The following ZCCHC17 variants were observed in gnomAD, a reference collection of about 807,000 sequenced individuals.
ZCCHC17 encodes zinc finger CCHC-type containing 17.
A neutral mutation model predicts 30.6 loss-of-function variants in ZCCHC17; 18 were observed. The observed-to-expected ratio is 0.59, with a 90% confidence interval of 0.41 to 0.87. The LOEUF is 0.87. Among genes scored for constraint, ZCCHC17 ranks in the 40% least tolerant of loss-of-function variants. The pLI, the probability that ZCCHC17 is intolerant of heterozygous loss-of-function variation, is 0.00. For synonymous variants in ZCCHC17, 88 were observed against 92.4 expected, an observed-to-expected ratio of 0.95 and a Z score of 0.27; for missense variants, 263 against 284.2, an observed-to-expected ratio of 0.93 and a Z score of 0.54.
At chr1:31,355,220 T>C (rs1375661984) in intron 7 of ZCCHC17, among the ~76,000 whole-genome samples, 1 of 151,834 alleles carries the variant, frequency 6.6e-6, no homozygotes, top group African/African-American at 2.4e-5. Context: ...GTATATGAAC[T>C]TCTAACTCAT....
chr1:31,311,250 G>A (rs1646594004), intron 2 of ZCCHC17, among the ~76,000 whole-genome samples: 1 of 152,042 alleles, frequency 6.6e-6, no homozygotes, highest in Non-Finnish European at 1.5e-5. Context: ...AAAGTAGGTT[G>A]GACATGTTGC....
intron 7 of ZCCHC17, among the ~76,000 whole-genome samples, chr1:31,357,091 T>C (rs1036201866): frequency 1.3e-5 from 2 of 152,234 alleles, no homozygotes; most frequent in Non-Finnish European, 2.9e-5. Context: ...TAGTAAACTT[T>C]AGATATGTTT....
intron 7 of ZCCHC17, among the ~76,000 whole-genome samples, chr1:31,360,579 A>G (rs928260036): frequency 2.0e-5 from 3 of 152,218 alleles, no homozygotes; most frequent in Non-Finnish European, 4.4e-5. Flanking sequence ...TCAGGCTGCA[A>G]AACAGCTTTT....
intron 5 of ZCCHC17, among the ~76,000 whole-genome samples, chr1:31,341,878 C>A (rs1465120886): frequency 6.6e-6 from 1 of 152,100 alleles, no homozygotes; most frequent in Non-Finnish European, 1.5e-5. Context: ...GTTTTAAATG[C>A]CGCTTTGTTT....
chr1:31,298,374 C>T (rs1646219670), intron 1 of ZCCHC17, among the ~76,000 whole-genome samples: 1 of 115,024 alleles, frequency 8.7e-6, no homozygotes, highest in African/African-American at 3.2e-5. Flanking sequence ...TGATTAGAGA[C>T]CAGTTTTTTT....
intron 1 of ZCCHC17, among the ~76,000 whole-genome samples, chr1:31,308,041 T>C (rs373849842): frequency 2.9e-4 from 44 of 152,324 alleles, no homozygotes; most frequent in African/African-American, 1.0e-3. Flanking sequence ...TAGTAACTCC[T>C]GTTCTAGCAT....
intron 2 of ZCCHC17, among the ~76,000 whole-genome samples, chr1:31,310,967 A>G (rs1052533686): frequency 1.3e-5 from 2 of 152,124 alleles, no homozygotes; most frequent in Non-Finnish European, 2.9e-5. Flanking sequence ...TTGGCACCCT[A>G]TTAGTTAAAA....
intron 3 of ZCCHC17, among the ~76,000 whole-genome samples, chr1:31,323,813 T>C (rs907982026): frequency 6.6e-6 from 1 of 152,250 alleles, no homozygotes; most frequent in Non-Finnish European, 1.5e-5. Context: ...ACTTTTACTC[T>C]CTATCAGGAG....
chr1:31,319,024 T>C, intron 2 of ZCCHC17, 85 bp from the exon 3 acceptor site: 1 of 1,463,726 alleles, frequency 6.8e-7, no homozygotes, highest in South Asian at 1.3e-5. Context: ...CAATATGAAG[T>C]ACAGATTTGG....
intron 3 of ZCCHC17, among the ~76,000 whole-genome samples, chr1:31,330,330 A>G (rs1295508649): frequency 6.6e-6 from 1 of 152,162 alleles, no homozygotes; most frequent in African/African-American, 2.4e-5. Flanking sequence ...TTACCAGCAG[A>G]CACTCAGATG....
At chr1:31,358,641 G>A (rs529326586) in intron 7 of ZCCHC17, among the ~76,000 whole-genome samples, 1 of 152,002 alleles carries the variant, frequency 6.6e-6, no homozygotes, top group East Asian at 1.9e-4. Context: ...TGGGAGTAGG[G>A]AGCAGTCAGG....
At chr1:31,351,104 G>A (rs1639453786) in intron 7 of ZCCHC17, among the ~76,000 whole-genome samples, 1 of 151,932 alleles carries the variant, frequency 6.6e-6, no homozygotes, top group Non-Finnish European at 1.5e-5. Context: ...ACCATCACCA[G>A]TACCACCAAA....
intron 3 of ZCCHC17, among the ~76,000 whole-genome samples, chr1:31,324,554 A>G (rs1244588348): frequency 1.3e-5 from 2 of 152,140 alleles, no homozygotes; most frequent in Non-Finnish European, 1.5e-5. Flanking sequence ...GCCTGCTCCC[A>G]CTGCCTGGAC....
In ZCCHC17 at chr1:31,349,043, C is replaced by T. The variant is rs932463440; in HGVS notation, c.564+69C>T. 12 of 1,503,222 alleles carry T rather than the reference C, an allele frequency of 8.0e-6. No individual in the cohort carries two copies. The African/African-American group carries it at 1.1e-4, about 14-fold the overall frequency. 93.1% of individuals were successfully genotyped at this position (1,503,222 alleles called of 1,614,324 possible). On this transcript the variant is annotated intron_variant, in intron 7 of 7. Transcript: ENST00000344147. ...TTTAAGATGAAAATCTGAAAAGCCT[C>T]ATGCAGCAGTACACACCTGTAGTCC...
At chr1:31,304,593 T>C (rs1646403915) in intron 1 of ZCCHC17, among the ~76,000 whole-genome samples, 1 of 151,628 alleles carries the variant, frequency 6.6e-6, no homozygotes, top group Non-Finnish European at 1.5e-5. Flanking sequence ...CTCAATGTTA[T>C]ATACTCTTAT....
chr1:31,301,791 G>A (rs537110084), intron 1 of ZCCHC17, among the ~76,000 whole-genome samples: 1 of 151,942 alleles, frequency 6.6e-6, no homozygotes, highest in Non-Finnish European at 1.5e-5. Flanking sequence ...GTTTTTCCTG[G>A]CATTTTACTA....
intron 3 of ZCCHC17, among the ~76,000 whole-genome samples, chr1:31,321,204 G>T (rs1292342281): frequency 1.3e-5 from 2 of 152,072 alleles, no homozygotes; most frequent in Non-Finnish European, 2.9e-5. Flanking sequence ...AATCATGGGG[G>T]TGGTTTGCCC....
intron 7 of ZCCHC17, among the ~76,000 whole-genome samples, chr1:31,357,572 T>C (rs964452235): frequency 6.6e-6 from 1 of 152,198 alleles, no homozygotes; most frequent in African/African-American, 2.4e-5. Flanking sequence ...TAGATTCTAA[T>C]GGATGGGGTC....
chr1:31,306,650 A>G (rs976021164), intron 1 of ZCCHC17, among the ~76,000 whole-genome samples: 3 of 151,894 alleles, frequency 2.0e-5, no homozygotes, highest in African/African-American at 7.3e-5. Flanking sequence ...GTTATATTTC[A>G]GGCTTTCCCT....
Sources: allele counts gnomAD v4.1 joint callset (sites outside exome capture counted in the v4.1 genomes callset), GRCh38; gene constraint gnomAD v4.1.1; transcripts MANE v1.5; gene names NCBI Gene and HGNC (gene_info 2026-07-23, HGNC 2026-07-21).